Variants in CMTM8 observed in about 807,000 individuals in gnomAD.
CMTM8 encodes the protein CKLF like MARVEL transmembrane domain containing 8, also known as CKLF-like MARVEL transmembrane domain-containing protein 8.
CMTM8 carries 12 observed loss-of-function variants against 18.6 expected under a neutral mutation model. The observed-to-expected ratio is 0.65, with a 90% CI of 0.41 to 1.05. The LOEUF (loss-of-function observed/expected upper bound fraction) is 1.05. CMTM8 is among the 50% of genes least tolerant of loss of function. CMTM8 has a pLI of 0.00. For missense variants in CMTM8, 217 were observed against 227.2 expected, an observed-to-expected ratio of 0.95 and a Z score of 0.29; for synonymous variants, 87 against 90.6, an observed-to-expected ratio of 0.96 and a Z score of 0.23.
intron 1 of CMTM8, among the ~76,000 whole-genome samples, chr3:32,264,476 C>T (rs1430734155): frequency 6.6e-6 from 1 of 152,082 alleles, no homozygotes; most frequent in Non-Finnish European, 1.5e-5. Flanking sequence ...AAAGGAAACC[C>T]GTACCAGCCA....
At chr3:32,350,258 A>G (rs1447697539) in intron 1 of CMTM8, among the ~76,000 whole-genome samples, 1 of 151,654 alleles carries the variant, frequency 6.6e-6, no homozygotes, top group Non-Finnish European at 1.5e-5. Flanking sequence ...TAGACTTTGC[A>G]GTGAAGTTGG....
chr3:32,344,448 C>T (rs1276725726), intron 1 of CMTM8, among the ~76,000 whole-genome samples: 2 of 152,192 alleles, frequency 1.3e-5, no homozygotes, highest in Admixed American at 6.5e-5. Context: ...GCCTAGAAAA[C>T]CTGTGTCACA....
chr3:32,290,917 T>C (rs1702768972), intron 1 of CMTM8, among the ~76,000 whole-genome samples: 1 of 152,162 alleles, frequency 6.6e-6, no homozygotes, highest in Admixed American at 6.5e-5. Context: ...CTGGCTCATT[T>C]TTGTATTTTT....
At chr3:32,240,632 T>A (rs1701935794) in intron 1 of CMTM8, among the ~76,000 whole-genome samples, 1 of 152,196 alleles carries the variant, frequency 6.6e-6, no homozygotes, top group Non-Finnish European at 1.5e-5. Flanking sequence ...TGGCCCACAA[T>A]CCCATTACTA....
chr3:32,307,591 GT>G (rs1462739846), intron 1 of CMTM8, among the ~76,000 whole-genome samples: 1 of 152,198 alleles, frequency 6.6e-6, no homozygotes, highest in Non-Finnish European at 1.5e-5. Flanking sequence ...ACTTGCATGT[GT>G]AGGTATGTAG....
intron 1 of CMTM8, among the ~76,000 whole-genome samples, chr3:32,244,958 T>TA (rs542381937): frequency 2.2e-4 from 33 of 152,330 alleles, no homozygotes; most frequent in African/African-American, 7.2e-4. Flanking sequence ...AAAAATACTT[T>TA]AAAAAAATTC....
intron 1 of CMTM8, among the ~76,000 whole-genome samples, chr3:32,332,494 G>A (rs1309538632): frequency 6.6e-6 from 1 of 152,152 alleles, no homozygotes; most frequent in African/African-American, 2.4e-5. Context: ...CTTGGAGAAG[G>A]GCACAGAAGG....
intron 1 of CMTM8, among the ~76,000 whole-genome samples, chr3:32,334,531 A>G (rs1214550925): frequency 6.6e-6 from 1 of 151,766 alleles, no homozygotes; most frequent in African/African-American, 2.4e-5. Context: ...GTGTGAACCC[A>G]GGAGGCAGAG....
chr3:32,338,509 G>A (rs1459536521), intron 1 of CMTM8, among the ~76,000 whole-genome samples: 2 of 152,096 alleles, frequency 1.3e-5, no homozygotes, highest in East Asian at 1.9e-4. Flanking sequence ...TATCTTTGCC[G>A]ATCACAAAAC....
chr3:32,244,677 G>A (rs187017738), intron 1 of CMTM8, among the ~76,000 whole-genome samples: 9 of 152,086 alleles, frequency 5.9e-5, no homozygotes, highest in Admixed American at 1.3e-4. Context: ...GTTTTCTGTC[G>A]TAAAGAAGTA....
chr3:32,332,036 G>GCACACA (rs140552228), intron 1 of CMTM8, among the ~76,000 whole-genome samples: 21 of 150,948 alleles, frequency 1.4e-4, no homozygotes, highest in African/African-American at 5.1e-4. Context: ...TTGACCACAC[G>GCACACA]CGCACACACA....
intron 1 of CMTM8, among the ~76,000 whole-genome samples, chr3:32,287,177 G>A (rs1702701862): frequency 6.6e-6 from 1 of 152,202 alleles, no homozygotes; most frequent in Non-Finnish European, 1.5e-5. Context: ...AATTTAAGGT[G>A]TCTGGCACTT....
intron 1 of CMTM8, among the ~76,000 whole-genome samples, chr3:32,333,180 C>T (rs1036878124): frequency 6.6e-6 from 1 of 152,206 alleles, no homozygotes; most frequent in Non-Finnish European, 1.5e-5. Context: ...TCTAATAAAA[C>T]TGTATTTATG....
intron 1 of CMTM8, among the ~76,000 whole-genome samples, chr3:32,340,166 C>G (rs1696465670): frequency 6.6e-6 from 1 of 152,174 alleles, no homozygotes; most frequent in Non-Finnish European, 1.5e-5. Flanking sequence ...TGCCCTGCCA[C>G]CTCTGTGCAA....
At position 32,329,570 on chromosome 3, in the gene CMTM8, C is replaced by T. The variant is rs543572134; in HGVS notation, c.148-27803C>T. On this transcript the variant is annotated intron_variant, in intron 1 of 3. Transcript: ENST00000307526. Reference sequence around the variant, plus strand: ...AAAAGTACTTGGCAAAATTCAACACCGTTTCATGATAAAAACACTAAACAC... The same window carrying T: ...AAAAGTACTTGGCAAAATTCAACACTGTTTCATGATAAAAACACTAAACAC... Among the ~76,000 whole-genome samples, 10 of 152,176 alleles carry T rather than the reference C, an allele frequency of 6.6e-5. No individual in the cohort carries two copies. In the East Asian group the frequency reaches 1.4e-3, roughly 21 times the overall value.
intron 1 of CMTM8, chr3:32,259,772 A>G: frequency 1.1e-6 from 1 of 873,700 alleles, no homozygotes; most frequent in South Asian, 1.3e-5. Flanking sequence ...TGAGGAGAGC[A>G]CCACAGTGGT....
intron 1 of CMTM8, among the ~76,000 whole-genome samples, chr3:32,256,386 A>G (rs1702174983): frequency 6.6e-6 from 1 of 151,976 alleles, no homozygotes; most frequent in South Asian, 2.1e-4. Flanking sequence ...AGTGTTGTTA[A>G]TAAGAGACTT....
chr3:32,367,912 C>G lies in CMTM8; in HGVS notation c.362C>G (p.Ser121Cys). 6.2e-7 allele frequency: 1 copy of G among 1,614,142 alleles called. No individual in the cohort carries two copies. Among genetic ancestry groups the G allele is most frequent in the Non-Finnish European group, 8.5e-7 (1 of 1,179,988 alleles). ...GGCAGTGCCTTCGTCTTGTACCTCT[C>G]TGCCGCTGTTGTAGATGCATCTTCC... Reference protein sequence around the residue: ...FNGSAFVLYLSAAVVDASSVS... With the variant: ...FNGSAFVLYLCAAVVDASSVS... The change falls in exon 3 of 4, where the codon TCT becomes TGT. Residue 121 changes from serine (S) to cysteine (C), a missense_variant. Ser to Cys is a moderately radical substitution (Grantham distance 112). Transcript: ENST00000307526.
chr3:32,310,469 T>TG (rs1170869589), intron 1 of CMTM8, among the ~76,000 whole-genome samples: 2 of 152,110 alleles, frequency 1.3e-5, no homozygotes, highest in African/African-American at 4.8e-5. Context: ...CAATGAGGGG[T>TG]GCCAAAGGAA....
Sources: allele counts gnomAD v4.1 joint callset (sites outside exome capture counted in the v4.1 genomes callset), GRCh38; gene constraint gnomAD v4.1.1; transcripts MANE v1.5; gene names NCBI Gene and HGNC (gene_info 2026-07-23, HGNC 2026-07-21).